The following VWA5B1 variants were observed in gnomAD, a reference collection of about 807,000 sequenced individuals.
The protein encoded by VWA5B1 is von Willebrand factor A domain containing 5B1, also known as von Willebrand factor A domain-containing protein 5B1.
A neutral mutation model predicts 118.2 loss-of-function variants in VWA5B1; 115 were observed. The observed-to-expected ratio is 0.97, with a 90% CI of 0.84 to 1.14. The LOEUF is 1.14. Among genes scored for constraint, VWA5B1 ranks in the 50% most tolerant of loss-of-function variants. The probability of loss-of-function intolerance (pLI) is 0.00; values close to 1 mark genes in which losing one functional copy is unlikely to be tolerated. For synonymous variants in VWA5B1, 682 were observed against 658.4 expected, an observed-to-expected ratio of 1.04 and a Z score of -0.55; for missense variants, 1,596 against 1,603.8, an observed-to-expected ratio of 1.00 and a Z score of 0.08.
rs1174782943 is a variant in VWA5B1 at position 20,342,655 on chromosome 1, T to TC, written c.2311+47dup. On this transcript the variant is annotated intron_variant, in intron 15 of 21. Coordinates refer to ENST00000289815, the MANE Select transcript of VWA5B1 (RefSeq NM_001039500.3). The stretch of plus-strand genomic sequence containing the variant: ...GGACCCAACTGGGGACAGGGAGGAA[T>TC]CACTGGCTGTTGTTCAACTTCAGAT... The TC allele has an allele frequency of 1.8e-5, 26 of 1,439,894 alleles. No homozygotes were observed. In the Middle Eastern group the frequency reaches 2.0e-3, roughly 111 times the overall value. The allele number at this position is 1,439,894 out of a possible 1,614,324, so 89.2% of individuals were successfully genotyped here.
chr1:20,323,191 G>C (rs894709590), intron 7 of VWA5B1, 165 bp from the exon 8 acceptor site: 1 of 550,654 alleles, frequency 1.8e-6, no homozygotes, highest in African/African-American at 2.0e-5. Context: ...GTTGCAACCC[G>C]TGAAGGTCTA....
At position 20,350,487 on chromosome 1, in the gene VWA5B1, G is replaced by A. The variant is rs1046010595; in HGVS notation, c.2953+257G>A. Among the ~76,000 whole-genome samples the A allele has an allele frequency of 5.9e-5, 9 of 152,192 alleles. No individual in the cohort carries two copies. In the East Asian group the frequency reaches 9.6e-4, roughly 16 times the overall value. The stretch of plus-strand genomic sequence containing the variant: ...ATCAGGCCTCCTAGTTCCCCGCTGA[G>A]GGACCATTTTTGCCACTCCGCTCTG... On this transcript the variant is annotated intron_variant, in intron 19 of 21. Coordinates refer to ENST00000289815, the MANE Select transcript of VWA5B1 (RefSeq NM_001039500.3).
chr1:20,354,293 A>AGGGTGGGGAGGAGAG lies in VWA5B1; in HGVS notation c.*33_*47dup, dbSNP rs2090191331. On this transcript the variant is annotated 3_prime_UTR_variant, in exon 22 of 22. Transcript: ENST00000289815. ...GTGACGGGGAGGCTGGGTGGAGGGA[A>AGGGTGGGGAGGAGAG]GGGTGGGGAGGAGAGGGATGGGCAG... The AGGGTGGGGAGGAGAG allele has an allele frequency of 1.0e-6, 1 of 972,166 alleles. No individual in the cohort carries two copies. The highest frequency in any genetic ancestry group is 1.7e-5 in the African/African-American group (1 of 58,300). 60.2% of individuals were successfully genotyped at this position (972,166 alleles called of 1,614,324 possible).
Position 20,330,888 on chromosome 1 carries a change from G to A in VWA5B1, c.1477G>A (p.Gly493Arg). The A allele has an allele frequency of 1.3e-6, 2 of 1,551,728 alleles. No individual in the cohort carries two copies. The highest frequency in any genetic ancestry group is 1.7e-6 in the Non-Finnish European group (2 of 1,146,998). Residue 493 changes from glycine (G) to arginine (R), a missense_variant, in exon 11 of 22, where the codon GGA (glycine) becomes AGA (arginine). Physicochemically the swap from Gly to Arg is moderately radical, Grantham distance 125. Coordinates refer to ENST00000289815, the MANE Select transcript of VWA5B1 (RefSeq NM_001039500.3). ...FSTRCYSFGI[G>R]PNVCHRLVKG... ...CGCCAGGTGCTATAGCTTTGGAATT[G>A]GACCCAACGTCTGCCACAGACTGGT...
chr1:20,346,276 A>G (rs1173594150), intron 17 of VWA5B1, among the ~76,000 whole-genome samples: 3 of 152,258 alleles, frequency 2.0e-5, no homozygotes, highest in African/African-American at 7.2e-5. Flanking sequence ...GATGGAAAAC[A>G]GAGGCAGAAG....
chr1:20,291,728 C>T (rs1201405219), intron 1 of VWA5B1, among the ~76,000 whole-genome samples: 1 of 152,144 alleles, frequency 6.6e-6, no homozygotes, highest in African/African-American at 2.4e-5. Flanking sequence ...CCCAGAGCCA[C>T]CGGCCAAGGG....
chr1:20,307,853 G>T (rs191158252), intron 1 of VWA5B1, among the ~76,000 whole-genome samples: 3 of 147,068 alleles, frequency 2.0e-5, no homozygotes, highest in South Asian at 4.3e-4. Context: ...TTTTATTTGC[G>T]TGCATGTGTG....
In VWA5B1 at chr1:20,314,321, G is replaced by A. The variant is rs752043630; in HGVS notation, c.293-1G>A. 7.0e-5 allele frequency: 109 copies of A among 1,551,582 alleles called. No homozygotes were observed. The highest frequency in any genetic ancestry group is 1.6e-4 in the Admixed American group (8 of 50,986). On this transcript the variant is annotated splice_acceptor_variant, in intron 3 of 21. Coordinates refer to ENST00000289815, the MANE Select transcript of VWA5B1 (RefSeq NM_001039500.3). LOFTEE classifies it high-confidence loss of function. The stretch of plus-strand genomic sequence containing the variant: ...GCCCCTGACGCCAGCCTGGCACTTA[G>A]GGAACATTCTGCAAGACGGGGTTTC...
rs369318037 is a variant in VWA5B1, at chr1:20,312,915, A to G, written c.219A>G (p.Val73=). ...TCATTGCCGACCGTGTCGTGACAGT[A>G]CAGATCAAGGACAAAGCCAAGCTGG... ...EAVIADRVVT[V]QIKDKAKLES... is the part of the protein sequence containing the mutation. The change falls in exon 3 of 22, where the codon GTA becomes GTG. Residue 73 remains valine (V), a synonymous_variant. Coordinates refer to ENST00000289815, the MANE Select transcript of VWA5B1 (RefSeq NM_001039500.3). The G allele has an allele frequency of 7.1e-6, 11 of 1,551,590 alleles. No individual in the cohort carries two copies. Among genetic ancestry groups the G allele is most frequent in the Non-Finnish European group, 8.7e-6 (10 of 1,147,002 alleles).
intron 3 of VWA5B1, 23 bp downstream of exon 3, chr1:20,313,011 C>T (rs1249175672): frequency 5.2e-6 from 8 of 1,546,808 alleles, no homozygotes; most frequent in East Asian, 2.5e-5. Flanking sequence ...GAAGGGCTGC[C>T]GCGGGACCTG....
At chr1:20,337,899 C>A in intron 14 of VWA5B1, 63 bp downstream of exon 14, 2 of 1,547,196 alleles carry the variant, frequency 1.3e-6, no homozygotes, top group South Asian at 1.2e-5. Context: ...AGAGCTGTGT[C>A]CCCTGCTTCA....
At chr1:20,298,107 C>G (rs1042367033) in intron 1 of VWA5B1, among the ~76,000 whole-genome samples, 1 of 150,148 alleles carries the variant, frequency 6.7e-6, no homozygotes, top group African/African-American at 2.5e-5. Flanking sequence ...AAGTCCTGGG[C>G]TCAGGCAATT....
At position 20,357,383 on chromosome 1, in the gene VWA5B1, G is replaced by T. The variant is rs2090248414; in HGVS notation, c.*3120G>T. Among the ~76,000 whole-genome samples the T allele has an allele frequency of 6.6e-6, 1 of 152,248 alleles. No individual in the cohort carries two copies. Among genetic ancestry groups the T allele is most frequent in the Non-Finnish European group, 1.5e-5 (1 of 68,054 alleles). ...GAGAAACTGTGCTATGGGCAAAGAT[G>T]TTGAGGAAGCAGTAGAAAGACAAAC... On this transcript the variant is annotated 3_prime_UTR_variant, in exon 22 of 22. Coordinates refer to ENST00000289815, the MANE Select transcript of VWA5B1 (RefSeq NM_001039500.3).
chr1:20,346,451 ATT>A (rs1235867118), intron 17 of VWA5B1, among the ~76,000 whole-genome samples: 1 of 152,080 alleles, frequency 6.6e-6, no homozygotes, highest in Non-Finnish European at 1.5e-5. Flanking sequence ...TTTATTCCCC[ATT>A]TGGTTATTGT....
chr1:20,319,279 G>A, intron 6 of VWA5B1, 103 bp from the exon 7 acceptor site: 1 of 1,472,004 alleles, frequency 6.8e-7, no homozygotes, highest in Non-Finnish European at 9.1e-7. Flanking sequence ...GCTTCCAAAT[G>A]GGAGTCCCAC....
Position 20,353,747 on chromosome 1 carries a change from C to A in VWA5B1, c.3142-10C>A. ...TTTGAGGCCCACTGAAGGGCTTCCCCCACACACAGGTGTCTCTGCAGCTGG... is the reference window on the plus strand; with the variant it reads ...TTTGAGGCCCACTGAAGGGCTTCCCACACACACAGGTGTCTCTGCAGCTGG... On this transcript the variant is annotated splice_polypyrimidine_tract_variant and intron_variant, in intron 21 of 21. Transcript: ENST00000289815. The A allele has an allele frequency of 2.8e-6, 4 of 1,452,740 alleles. No homozygotes were observed. Among genetic ancestry groups the A allele is most frequent in the Non-Finnish European group, 3.6e-6 (4 of 1,099,880 alleles). The allele number at this position is 1,452,740 out of a possible 1,614,324, so 90.0% of individuals were successfully genotyped here.
rs773094464 is a variant in VWA5B1, at chr1:20,353,806, G to A, written c.3191G>A (p.Cys1064Tyr). The A allele has an allele frequency of 5.4e-6, 8 of 1,481,740 alleles. No individual in the cohort carries two copies. Among genetic ancestry groups the A allele is most frequent in the Non-Finnish European group, 7.2e-6 (8 of 1,113,584 alleles). 91.8% of individuals were successfully genotyped at this position (1,481,740 alleles called of 1,614,324 possible). A position where few individuals can be genotyped will look rare whatever the true frequency, so the allele number is the denominator to read the frequency against. The change falls in exon 22 of 22, where the codon TGT becomes TAT. Residue 1064 changes from cysteine to tyrosine, a missense_variant. By Grantham distance (194) the Cys-to-Tyr change is radical. Transcript: ENST00000289815. ...SGAFLLNEAFCEATHIPMEKL... is the reference protein window; with the variant it reads ...SGAFLLNEAFYEATHIPMEKL... ...GCCTTCCTGCTCAACGAAGCCTTCTGTGAGGCCACGCACATCCCCATGGAG... is the reference window on the plus strand; with the variant it reads ...GCCTTCCTGCTCAACGAAGCCTTCTATGAGGCCACGCACATCCCCATGGAG...
intron 1 of VWA5B1, among the ~76,000 whole-genome samples, chr1:20,291,840 GGTGCA>G (rs2088312619): frequency 6.6e-6 from 1 of 152,196 alleles, no homozygotes; most frequent in Non-Finnish European, 1.5e-5. Flanking sequence ...CTCAGCAGCG[GGTGCA>G]GTGTGGCGCC....
intron 7 of VWA5B1, among the ~76,000 whole-genome samples, chr1:20,319,996 G>T (rs1042881438): frequency 1.3e-5 from 2 of 152,182 alleles, no homozygotes; most frequent in African/African-American, 2.4e-5. Flanking sequence ...CCCACCCCAT[G>T]AAGCTGCAGG....
Sources: allele counts gnomAD v4.1 joint callset (sites outside exome capture counted in the v4.1 genomes callset), GRCh38; gene constraint gnomAD v4.1.1; transcripts MANE v1.5; gene names NCBI Gene and HGNC (gene_info 2026-07-23, HGNC 2026-07-21).